The following ROBO1 variants were observed in gnomAD, a reference collection of about 807,000 sequenced individuals.
The protein encoded by ROBO1 is roundabout homolog 1.
ROBO1 carries 149 observed loss-of-function variants against 195.9 expected under a neutral mutation model. The ratio of observed to expected loss-of-function variants is 0.76; its 90% CI spans 0.67 to 0.87. The LOEUF (loss-of-function observed/expected upper bound fraction) is 0.87, where lower values mean the gene tolerates loss of function less well. Among genes scored for constraint, ROBO1 ranks in the 40% least tolerant of loss-of-function variants. The pLI, the probability that ROBO1 is intolerant of heterozygous loss-of-function variation, is 0.00. For missense variants in ROBO1, 1,933 were observed against 2,068.3 expected (o/e 0.93, Z 1.27); for synonymous variants, 816 against 733.2 (o/e 1.11, Z -1.82).
intron 8 of ROBO1, among the ~76,000 whole-genome samples, chr3:78,706,167 G>A (rs2081546555): frequency 6.6e-6 from 1 of 152,004 alleles, no homozygotes; most frequent in African/African-American, 2.4e-5. Flanking sequence ...GGGAGTGTCT[G>A]AAAAGCTTGC....
chr3:79,093,075 C>T (rs193211398), intron 3 of ROBO1, among the ~76,000 whole-genome samples: 1 of 152,108 alleles, frequency 6.6e-6, no homozygotes, highest in Non-Finnish European at 1.5e-5. Context: ...CACATGTGTA[C>T]TAATACATGC....
chr3:78,678,854 C>A (rs199776925), intron 10 of ROBO1, among the ~76,000 whole-genome samples: 2 of 151,958 alleles, frequency 1.3e-5, no homozygotes, highest in African/African-American at 2.4e-5. Flanking sequence ...ATACCAAAGC[C>A]GGGCAGAGAC....
At chr3:78,959,426 T>A (rs2041225159) in intron 3 of ROBO1, among the ~76,000 whole-genome samples, 2 of 152,208 alleles carry the variant, frequency 1.3e-5, no homozygotes, top group Admixed American at 6.5e-5. Context: ...TACTTGTTTT[T>A]TATATTAATT....
chr3:79,295,311 A>G (rs2032524452), intron 2 of ROBO1, among the ~76,000 whole-genome samples: 1 of 152,218 alleles, frequency 6.6e-6, no homozygotes, highest in East Asian at 1.9e-4. Flanking sequence ...GAAATGGATG[A>G]AGTTAGAAAC....
At chr3:78,691,551 C>T (rs1395784) in intron 8 of ROBO1, among the ~76,000 whole-genome samples, 1 of 151,910 alleles carries the variant, frequency 6.6e-6, no homozygotes, top group African/African-American at 2.4e-5. Context: ...CACTGTTAAA[C>T]ATAATGGTAA....
intron 2 of ROBO1, among the ~76,000 whole-genome samples, chr3:79,253,117 AAAT>A (rs1225840903): frequency 6.6e-5 from 10 of 152,232 alleles, no homozygotes; most frequent in Non-Finnish European, 1.3e-4. Flanking sequence ...ACCAAAATAA[AAAT>A]GAAATTCAAT....
chr3:79,255,643 G>A (rs931727837), intron 2 of ROBO1, among the ~76,000 whole-genome samples: 11 of 152,248 alleles, frequency 7.2e-5, no homozygotes, highest in African/African-American at 1.2e-4. Context: ...ACACACTACC[G>A]TTCTGGAAGT....
At chr3:79,078,900 C>T (rs1301617437) in intron 3 of ROBO1, among the ~76,000 whole-genome samples, 1 of 151,666 alleles carries the variant, frequency 6.6e-6, no homozygotes, top group Non-Finnish European at 1.5e-5. Context: ...TCACATTTTG[C>T]CCTCTCATAT....
At chr3:79,512,192 G>C (rs1251887703) in intron 2 of ROBO1, among the ~76,000 whole-genome samples, 1 of 149,262 alleles carries the variant, frequency 6.7e-6, no homozygotes, top group Admixed American at 6.7e-5. Flanking sequence ...ATATCACATA[G>C]AATTATTAAA....
intron 4 of ROBO1, among the ~76,000 whole-genome samples, chr3:78,806,724 A>G (rs2084552673): frequency 6.6e-6 from 1 of 152,174 alleles, no homozygotes; most frequent in East Asian, 1.9e-4. Context: ...ATGGAAAATC[A>G]TTTAATGATT....
chr3:78,874,361 T>C (rs2035716503), intron 4 of ROBO1, among the ~76,000 whole-genome samples: 2 of 151,978 alleles, frequency 1.3e-5, no homozygotes, highest in Non-Finnish European at 2.9e-5. Context: ...TCAAAATTCA[T>C]AGCCTTTTAA....
chr3:79,673,616 G>C (rs1170306900), intron 1 of ROBO1, among the ~76,000 whole-genome samples: 1 of 151,868 alleles, frequency 6.6e-6, no homozygotes. Flanking sequence ...GGGTTGAAAG[G>C]GCTGTGTTTC....
At chr3:78,784,059 A>G (rs1402810116) in intron 4 of ROBO1, among the ~76,000 whole-genome samples, 5 of 152,142 alleles carry the variant, frequency 3.3e-5, no homozygotes, top group Admixed American at 1.3e-4. Flanking sequence ...GAAAAAAAAG[A>G]CATTTTTAAA....
chr3:79,687,975 G>A (rs1947180208), intron 1 of ROBO1, among the ~76,000 whole-genome samples: 1 of 151,962 alleles, frequency 6.6e-6, no homozygotes, highest in African/African-American at 2.4e-5. Flanking sequence ...CAACCCAAAT[G>A]TCCAACAATG....
At chr3:79,046,881 G>A (rs931115953) in intron 3 of ROBO1, among the ~76,000 whole-genome samples, 1 of 152,060 alleles carries the variant, frequency 6.6e-6, no homozygotes, top group Non-Finnish European at 1.5e-5. Flanking sequence ...CCATCACATA[G>A]GTTCTTTGAG....
chr3:79,261,319 C>A (rs2082934116), intron 2 of ROBO1, among the ~76,000 whole-genome samples: 1 of 151,958 alleles, frequency 6.6e-6, no homozygotes, highest in Non-Finnish European at 1.5e-5. Context: ...CAAGACTAAA[C>A]AGCTAGTGGA....
chr3:78,769,975 T>C (rs144627896), intron 4 of ROBO1, among the ~76,000 whole-genome samples: 36 of 152,224 alleles, frequency 2.4e-4, no homozygotes, highest in Middle Eastern at 3.4e-3. Flanking sequence ...TCCTTTATAG[T>C]TTTCCTGGTG....
intron 8 of ROBO1, among the ~76,000 whole-genome samples, chr3:78,693,994 T>C (rs1025386123): frequency 6.6e-6 from 1 of 152,176 alleles, no homozygotes. Context: ...ATAAATGGAA[T>C]AGAAAGCCTA....
intron 8 of ROBO1, among the ~76,000 whole-genome samples, chr3:78,692,116 C>T (rs999996788): frequency 7.3e-5 from 11 of 151,540 alleles, no homozygotes; most frequent in Admixed American, 1.3e-4. Context: ...CATTATTTTA[C>T]ATTTATATTT....
Sources: gnomAD v4.1 joint callset for allele counts (sites outside exome capture counted in the v4.1 genomes callset) on GRCh38, gnomAD v4.1.1 for gene constraint, MANE v1.5 for transcripts, NCBI Gene and HGNC (gene_info 2026-07-23, HGNC 2026-07-21) for gene names.